ARK2C: variants seen among roughly 807,000 people sequenced by gnomAD.
ARK2C encodes the protein arkadia (RNF111) C-terminal like ring finger ubiquitin ligase 2C.
the ARK2C span, among the ~76,000 whole-genome samples, chr18:46,428,279 G>C: frequency 6.6e-6 from 1 of 152,128 alleles, no homozygotes; most frequent in East Asian, 1.9e-4. Context: ...TGTGGTGGCA[G>C]GCGCCTGTAG....
chr18:46,375,597 AAC>A, the ARK2C span, among the ~76,000 whole-genome samples: 4 of 135,720 alleles, frequency 2.9e-5, no homozygotes, highest in African/African-American at 1.1e-4. Context: ...TAATAATAAT[AAC>A]TTGTCCTGGC....
the ARK2C span, among the ~76,000 whole-genome samples, chr18:46,437,545 T>TGCAAGCCCATGCAAGA: frequency 2.1e-3 from 313 of 152,232 alleles, 1 homozygote; most frequent in Non-Finnish European, 3.3e-3. Context: ...CAAGCCCATG[T>TGCAAGCCCATGCAAGA]CCAGCCCAAG....
At chr18:46,416,326 C>A in the ARK2C span, among the ~76,000 whole-genome samples, 1 of 152,186 alleles carries the variant, frequency 6.6e-6, no homozygotes, top group Non-Finnish European at 1.5e-5. Flanking sequence ...AAACCTGGCT[C>A]ATGATAAGGA....
chr18:46,394,400 C>T, the ARK2C span, among the ~76,000 whole-genome samples: 1 of 152,146 alleles, frequency 6.6e-6, no homozygotes, highest in African/African-American at 2.4e-5. Context: ...GGTTCACTCT[C>T]GGAGATGACA....
chr18:46,358,667 C>G, the ARK2C span, among the ~76,000 whole-genome samples: 1 of 152,118 alleles, frequency 6.6e-6, no homozygotes, highest in African/African-American at 2.4e-5. Flanking sequence ...TCTCCAAAGC[C>G]CAGAGCCTCC....
At chr18:46,342,456 C>T in the ARK2C span, among the ~76,000 whole-genome samples, 1 of 152,222 alleles carries the variant, frequency 6.6e-6, no homozygotes, top group African/African-American at 2.4e-5. Context: ...CAACCCTGAG[C>T]CTTGCACATC....
the ARK2C span, among the ~76,000 whole-genome samples, chr18:46,395,520 T>C: frequency 6.6e-6 from 1 of 152,162 alleles, no homozygotes; most frequent in Admixed American, 6.5e-5. Flanking sequence ...ATCAGCTTTA[T>C]TGTCATCTTT....
chr18:46,369,868 G>C, the ARK2C span, among the ~76,000 whole-genome samples: 1 of 152,202 alleles, frequency 6.6e-6, no homozygotes, highest in Non-Finnish European at 1.5e-5. Flanking sequence ...GTAGAGCCCG[G>C]GGCCCGTTGG....
chr18:46,363,853 C>A, the ARK2C span, among the ~76,000 whole-genome samples: 1 of 152,052 alleles, frequency 6.6e-6, no homozygotes, highest in Admixed American at 6.5e-5. Flanking sequence ...AGGGTGTGAC[C>A]TCCAGGGTCA....
the ARK2C span, among the ~76,000 whole-genome samples, chr18:46,367,065 G>A: frequency 9.2e-5 from 14 of 152,302 alleles, no homozygotes; most frequent in East Asian, 2.7e-3. Context: ...ACCTCATAAA[G>A]CAAACACAAC....
At chr18:46,394,807 G>T in the ARK2C span, among the ~76,000 whole-genome samples, 174 of 152,316 alleles carry the variant, frequency 1.1e-3, no homozygotes, top group African/African-American at 4.0e-3. Context: ...GGATCCAAAG[G>T]CTTCCTGAAT....
the ARK2C span, among the ~76,000 whole-genome samples, chr18:46,419,611 A>G: frequency 1.3e-5 from 2 of 152,154 alleles, no homozygotes; most frequent in African/African-American, 4.8e-5. Context: ...TAACTGCATG[A>G]TATTAAGCAA....
At chr18:46,361,452 C>T in the ARK2C span, among the ~76,000 whole-genome samples, 1 of 152,204 alleles carries the variant, frequency 6.6e-6, no homozygotes, top group Non-Finnish European at 1.5e-5. Context: ...ATGGCAGGCA[C>T]ATGATCCAGT....
At chr18:46,450,555 A>T in the ARK2C span, 5 of 800,676 alleles carry the variant, frequency 6.2e-6, no homozygotes, top group South Asian at 3.1e-5. Context: ...GCCAGTAGAG[A>T]TATTGCAGTC....
the ARK2C span, chr18:46,433,536 C>A: frequency 6.4e-7 from 1 of 1,558,890 alleles, no homozygotes; most frequent in Non-Finnish European, 8.7e-7. Flanking sequence ...AGGTGGGGAC[C>A]CGGATGGGGT....
the ARK2C span, among the ~76,000 whole-genome samples, chr18:46,389,572 G>A: frequency 1.4e-3 from 213 of 152,240 alleles, 1 homozygote; most frequent in South Asian, 3.5e-3. Flanking sequence ...CAACCGTGGG[G>A]GTGGATTATT....
chr18:46,441,336 T>C, the ARK2C span, among the ~76,000 whole-genome samples: 10,968 of 152,216 alleles, frequency 0.072, 441 homozygotes, highest in African/African-American at 0.09. Flanking sequence ...TCTCCTGCCT[T>C]AGCTTCCCAT....
the ARK2C span, among the ~76,000 whole-genome samples, chr18:46,402,332 T>A: frequency 8.3e-6 from 1 of 120,380 alleles, no homozygotes; most frequent in Non-Finnish European, 1.6e-5. Context: ...CTAAATCTGA[T>A]TTTCTCAATC....
At chr18:46,461,710 AAAG>A in the ARK2C span, 9 of 151,694 alleles carry the variant, frequency 5.9e-5, no homozygotes, top group African/African-American at 1.9e-4. Context: ...AAAGGAGAGC[AAAG>A]AAGAAGAGAA....
Sources: allele counts gnomAD v4.1 joint callset (sites outside exome capture counted in the v4.1 genomes callset), GRCh38; gene constraint gnomAD v4.1.1; transcripts MANE v1.5; gene names NCBI Gene and HGNC (gene_info 2026-07-23, HGNC 2026-07-21).